The following BRI3BP variants were observed in gnomAD, a reference collection of about 807,000 sequenced individuals.
The protein encoded by BRI3BP is BRI3 binding protein, also known as BRI3-binding protein.
BRI3BP carries 7 observed loss-of-function variants against 15.8 expected under a neutral mutation model. That is an observed-to-expected ratio of 0.44 (90% CI 0.25 to 0.83). The LOEUF (loss-of-function observed/expected upper bound fraction) is 0.83. BRI3BP is among the 40% of genes least tolerant of loss of function. The pLI is 0.20. For missense variants in BRI3BP, 320 were observed against 339.3 expected, an observed-to-expected ratio of 0.94 and a Z score of 0.45; for synonymous variants, 192 against 163.5, an observed-to-expected ratio of 1.17 and a Z score of -1.33.
chr12:125,003,989 ACACACACACACAC>A (rs879418895), intron 1 of BRI3BP, among the ~76,000 whole-genome samples: 50,091 of 149,356 alleles, frequency 0.34, 8,666 homozygotes, highest in East Asian at 0.38. Context: ...ACACACACAC[ACACACACACACAC>A]AACACACAAT....
chr12:125,017,918 C>A (rs1168346168), intron 2 of BRI3BP, among the ~76,000 whole-genome samples: 2 of 152,138 alleles, frequency 1.3e-5, no homozygotes, highest in Non-Finnish European at 2.9e-5. Flanking sequence ...AGCTGTGGGA[C>A]CCTGGGCAAG....
chr12:124,999,766 T>C (rs111282293), intron 1 of BRI3BP, among the ~76,000 whole-genome samples: 21 of 148,360 alleles, frequency 1.4e-4, no homozygotes, highest in Non-Finnish European at 2.2e-4. Flanking sequence ...TACAGGCGCC[T>C]GCCACCATGC....
downstream of BRI3BP, among the ~76,000 whole-genome samples, chr12:125,032,267 C>T (rs892713152): frequency 6.6e-6 from 1 of 151,574 alleles, no homozygotes; most frequent in Non-Finnish European, 1.5e-5. Context: ...TCTAGACCAT[C>T]CTGGCTAACA....
At chr12:125,014,275 T>TAA (rs1955221358) in intron 2 of BRI3BP, among the ~76,000 whole-genome samples, 1 of 152,124 alleles carries the variant, frequency 6.6e-6, no homozygotes, top group African/African-American at 2.4e-5. Context: ...GCTGGGCTCT[T>TAA]TCCAGCCCCA....
chr12:124,995,688 C>T (rs1445607530), intron 1 of BRI3BP, among the ~76,000 whole-genome samples: 1 of 152,156 alleles, frequency 6.6e-6, no homozygotes, highest in Non-Finnish European at 1.5e-5. Flanking sequence ...CTTAGAATGA[C>T]CCTGTGCAGT....
At position 125,029,505 on chromosome 12, in the gene BRI3BP, TGAG is replaced by T. The variant is rs1201294166; in HGVS notation, c.*4077_*4079del. 6.8e-6 allele frequency: 1 copy of T among 147,932 alleles called. No individual in the cohort carries two copies. Among genetic ancestry groups the T allele is most frequent in the Non-Finnish European group, 1.5e-5 (1 of 67,250 alleles). The allele number at this position is 147,932 out of a possible 1,614,324, so 9.2% of individuals were successfully genotyped here. On this transcript the variant is annotated 3_prime_UTR_variant, in exon 3 of 3. Transcript: ENST00000341446. ...TGAGATCACACCACTGTACTCCAGT[TGAG>T]GCGACAGAGTGAGACCCAGTCTCAA...
intron 1 of BRI3BP, among the ~76,000 whole-genome samples, chr12:125,002,281 G>A (rs865951569): frequency 3.9e-4 from 59 of 151,576 alleles, no homozygotes; most frequent in Middle Eastern, 6.8e-3. Flanking sequence ...TTGGGGAACC[G>A]TCACCCTTTT....
chr12:124,998,670 T>C (rs1955059624), intron 1 of BRI3BP, among the ~76,000 whole-genome samples: 2 of 152,162 alleles, frequency 1.3e-5, no homozygotes, highest in Admixed American at 1.3e-4. Flanking sequence ...TGATGACAGA[T>C]TGTGGAACTA....
At chr12:125,050,537 G>T in the BRI3BP span, among the ~76,000 whole-genome samples, 1 of 152,252 alleles carries the variant, frequency 6.6e-6, no homozygotes, top group Admixed American at 6.5e-5. Flanking sequence ...AAATTCTGCA[G>T]CCTTAATACC....
chr12:125,042,174 A>G, the BRI3BP span, among the ~76,000 whole-genome samples: 1 of 152,142 alleles, frequency 6.6e-6, no homozygotes, highest in Non-Finnish European at 1.5e-5. Context: ...TTTTAGGTTC[A>G]GGGATACGTG....
intron 2 of BRI3BP, among the ~76,000 whole-genome samples, chr12:125,022,948 A>G (rs549883569): frequency 6.6e-6 from 1 of 152,268 alleles, no homozygotes; most frequent in Non-Finnish European, 1.5e-5. Flanking sequence ...GTATGTAAAT[A>G]GAGAATGCAA....
At chr12:125,012,708 TCA>T in intron 2 of BRI3BP, 72 bp downstream of exon 2, 1 of 1,161,028 alleles carries the variant, frequency 8.6e-7, no homozygotes, top group Non-Finnish European at 1.3e-6. Context: ...GAACTGGTAC[TCA>T]CAGTGAGTAA....
In BRI3BP at chr12:125,025,655, G is replaced by GA. The variant is rs899358575; in HGVS notation, c.*231dup. Reference sequence around the variant, plus strand: ...TACACACGAAGTGTAATTAGTGGGGGAAAAAATATTTTTTAAACAAAGGAT... The same window carrying GA: ...TACACACGAAGTGTAATTAGTGGGGGAAAAAAATATTTTTTAAACAAAGGAT... On this transcript the variant is annotated 3_prime_UTR_variant, in exon 3 of 3. Transcript: ENST00000341446. 4.9e-5 allele frequency: 25 copies of GA among 507,544 alleles called. No individual in the cohort carries two copies. The highest frequency in any genetic ancestry group is 3.3e-4 in the Admixed American group (9 of 27,230). 31.4% of individuals were successfully genotyped at this position (507,544 alleles called of 1,614,324 possible).
At chr12:125,045,423 C>T in the BRI3BP span, among the ~76,000 whole-genome samples, 5 of 152,128 alleles carry the variant, frequency 3.3e-5, no homozygotes, top group African/African-American at 7.2e-5. Context: ...CTGCAACCTC[C>T]GCCTCCCTGG....
At chr12:125,033,190 C>A (rs1458971892), downstream of BRI3BP, among the ~76,000 whole-genome samples, 2 of 152,148 alleles carry the variant, frequency 1.3e-5, no homozygotes, top group Admixed American at 1.3e-4. Flanking sequence ...AACTTCCTTC[C>A]TTTGCTTCCC....
chr12:125,046,411 G>A, the BRI3BP span, among the ~76,000 whole-genome samples: 5 of 151,960 alleles, frequency 3.3e-5, no homozygotes, highest in Admixed American at 1.3e-4. Context: ...AAAATTAGCC[G>A]GGTCTGGTGG....
At chr12:125,024,760 T>C (rs991175564) in intron 2 of BRI3BP, among the ~76,000 whole-genome samples, 4 of 151,960 alleles carry the variant, frequency 2.6e-5, no homozygotes, top group East Asian at 1.9e-4. Flanking sequence ...GATCACACCA[T>C]TGCACTCCAG....
At chr12:125,024,323 C>CG (rs1555217921) in intron 2 of BRI3BP, among the ~76,000 whole-genome samples, 2 of 151,088 alleles carry the variant, frequency 1.3e-5, no homozygotes, top group Admixed American at 6.6e-5. Flanking sequence ...AATCACCCCC[C>CG]ACGAGGTTCC....
chr12:125,016,513 G>C (rs1384138846), intron 2 of BRI3BP, among the ~76,000 whole-genome samples: 37 of 151,146 alleles, frequency 2.4e-4, no homozygotes, highest in Non-Finnish European at 4.1e-4. Context: ...TCCTTTTTTG[G>C]GGGGGAGGGG....
Sources: gnomAD v4.1 joint callset for allele counts (sites outside exome capture counted in the v4.1 genomes callset) on GRCh38, gnomAD v4.1.1 for gene constraint, MANE v1.5 for transcripts, NCBI Gene and HGNC (gene_info 2026-07-23, HGNC 2026-07-21) for gene names.